Variants in P4HA2 observed in about 807,000 individuals in gnomAD.
The protein encoded by P4HA2 is prolyl 4-hydroxylase subunit alpha 2.
Under a neutral mutation model 76.9 loss-of-function variants are expected in P4HA2, and 46 were observed. The ratio of observed to expected loss-of-function variants is 0.60; its 90% CI spans 0.47 to 0.76. The LOEUF is 0.76. Ranked by LOEUF, P4HA2 falls within the 30% of genes least tolerant of loss-of-function variation. P4HA2 has a pLI of 0.00. For synonymous variants in P4HA2, 243 were observed against 254.0 expected (o/e 0.96, Z 0.41); for missense variants, 583 against 669.4 (o/e 0.87, Z 1.42).
At chr5:132,199,831 T>C (rs974223795) in intron 10 of P4HA2, 1 of 152,244 alleles carries the variant, frequency 6.6e-6, no homozygotes, top group Non-Finnish European at 1.5e-5. Flanking sequence ...TTGGTATTTT[T>C]TGTATATCCT....
At position 132,198,866 on chromosome 5, in the gene P4HA2, A is replaced by T. The variant is rs1374300831; in HGVS notation, c.1305+13T>A. 1 of 1,597,778 alleles carries T rather than the reference A, an allele frequency of 6.3e-7. No individual in the cohort carries two copies. The highest frequency in any genetic ancestry group is 8.6e-7 in the Non-Finnish European group (1 of 1,165,192). On this transcript the variant is annotated intron_variant, in intron 11 of 14. Coordinates refer to ENST00000360568, the MANE Select transcript of P4HA2 (RefSeq NM_001017974.2). ...GCAGGGCCCTTTGAAAGCACCTGTGATTTAGGCCTTACCCTAGAGAAGTCG... is the reference window on the plus strand; with the variant it reads ...GCAGGGCCCTTTGAAAGCACCTGTGTTTTAGGCCTTACCCTAGAGAAGTCG...
intron 4 of P4HA2, among the ~76,000 whole-genome samples, chr5:132,216,162 C>CAAAAAAAA (rs5871448): frequency 9.5e-5 from 6 of 63,138 alleles, no homozygotes; most frequent in Admixed American, 2.3e-4. Flanking sequence ...GACTCAGTCT[C>CAAAAAAAA]AAAAAAAAAA....
intron 10 of P4HA2, chr5:132,199,599 C>T (rs1751196546): frequency 6.6e-6 from 1 of 152,282 alleles, no homozygotes; most frequent in South Asian, 2.1e-4. Context: ...TTGTAAATGC[C>T]TTTGTGGACA....
At chr5:132,216,025 C>T (rs1197224909) in intron 4 of P4HA2, among the ~76,000 whole-genome samples, 1 of 147,564 alleles carries the variant, frequency 6.8e-6, no homozygotes, top group Non-Finnish European at 1.5e-5. Context: ...ATTAGCTGGG[C>T]ATGGTGGCAT....
In P4HA2 at chr5:132,194,941, C is replaced by T. The variant is rs1292102765; in HGVS notation, c.1516G>A (p.Val506Met). Residue 506 changes from valine (V) to methionine (M), a missense_variant, in exon 14 of 15, where the codon GTG becomes ATG. Coordinates refer to ENST00000360568, the MANE Select transcript of P4HA2 (RefSeq NM_001017974.2). ...AGACACTCACCCCACTTGCAGCCCA[C>T]AAGCACAGGGCAGGCAGCATGTCTT... ...RTRHAACPVL[V>M]GCKWVSNKWF... The T allele has an allele frequency of 6.2e-7, 1 of 1,612,348 alleles. No homozygotes were observed. Among genetic ancestry groups the T allele is most frequent in the Non-Finnish European group, 8.5e-7 (1 of 1,178,460 alleles).
At chr5:132,221,852 G>C (rs1478744927) in intron 1 of P4HA2, among the ~76,000 whole-genome samples, 1 of 152,176 alleles carries the variant, frequency 6.6e-6, no homozygotes, top group Non-Finnish European at 1.5e-5. Context: ...TGCAAAACCT[G>C]CCAACATCCC....
At chr5:132,198,693 T>C (rs1751047814) in intron 11 of P4HA2, among the ~76,000 whole-genome samples, 186 bp downstream of exon 11, 1 of 152,188 alleles carries the variant, frequency 6.6e-6, no homozygotes, top group Non-Finnish European at 1.5e-5. Flanking sequence ...CACTGCATTC[T>C]GCAGGACCCT....
chr5:132,224,197 T>C (rs1438191478), intron 1 of P4HA2, among the ~76,000 whole-genome samples: 1 of 152,238 alleles, frequency 6.6e-6, no homozygotes, highest in African/African-American at 2.4e-5. Context: ...TACAGTCAAA[T>C]GGACAGGCAC....
At chr5:132,203,457 C>G (rs1456978932) in intron 10 of P4HA2, 3 of 399,360 alleles carry the variant, frequency 7.5e-6, no homozygotes, top group Non-Finnish European at 9.3e-6. Context: ...AGGATTTGAG[C>G]TTCTGTTGTC....
chr5:132,211,930 C>G (rs1356020464), intron 5 of P4HA2, among the ~76,000 whole-genome samples: 2 of 152,164 alleles, frequency 1.3e-5, no homozygotes, highest in African/African-American at 4.8e-5. Flanking sequence ...ATGCTAATGA[C>G]CAGTAGCTAT....
chr5:132,196,860 C>CA (rs34410092), intron 12 of P4HA2, among the ~76,000 whole-genome samples: 54,094 of 99,726 alleles, frequency 0.54, 14,336 homozygotes, highest in Non-Finnish European at 0.64. Context: ...GAGTCTGTCT[C>CA]AAAAAAAAAA....
intron 1 of P4HA2, among the ~76,000 whole-genome samples, chr5:132,219,921 T>A (rs549658425): frequency 6.3e-4 from 96 of 152,232 alleles, no homozygotes; most frequent in African/African-American, 2.0e-3. Flanking sequence ...GGATCCTCTA[T>A]CAGAAGGAAA....
Position 132,195,598 on chromosome 5 carries a change from TG to T in P4HA2, c.1366-119del, listed in dbSNP as rs1750518757. 3 of 749,358 alleles carry T rather than the reference TG, an allele frequency of 4.0e-6. No individual in the cohort carries two copies. The East Asian group carries it at 7.9e-5, about 20-fold the overall frequency. The allele number at this position is 749,358 out of a possible 1,614,324, so 46.4% of individuals were successfully genotyped here. A position where few individuals can be genotyped will look rare whatever the true frequency, so the allele number is the denominator to read the frequency against. On this transcript the variant is annotated intron_variant, in intron 12 of 14. Transcript: ENST00000360568. ...TCCTCTCAGCATGAGTGACACTACT[TG>T]GTGTCTGCTCCATGGCCAGCCCTTT...
At chr5:132,207,944 T>G in intron 7 of P4HA2, 60 bp from the exon 8 acceptor site, 2 of 1,379,638 alleles carry the variant, frequency 1.4e-6, no homozygotes, top group Non-Finnish European at 2.0e-6. Flanking sequence ...GGTCCCAGTC[T>G]GGCTGTCTGC....
At chr5:132,212,407 G>T (rs886718523) in intron 5 of P4HA2, among the ~76,000 whole-genome samples, 3 of 152,148 alleles carry the variant, frequency 2.0e-5, no homozygotes, top group African/African-American at 4.8e-5. Context: ...GGAGTCAGGG[G>T]ATAAGCACGG....
chr5:132,217,517 T>C (rs1415272299), intron 3 of P4HA2, 169 bp from the exon 4 acceptor site: 2 of 664,332 alleles, frequency 3.0e-6, no homozygotes, highest in Non-Finnish European at 5.2e-6. Flanking sequence ...AGCCCCTTAA[T>C]CTAGATAACA....
chr5:132,218,058 C>G, intron 2 of P4HA2: 1 of 503,198 alleles, frequency 2.0e-6, no homozygotes, highest in South Asian at 2.9e-5. Context: ...GCAGAGGCAC[C>G]AAGGGGATGT....
intron 8 of P4HA2, among the ~76,000 whole-genome samples, 190 bp from the exon 9 acceptor site, chr5:132,204,342 C>A (rs2126564453): frequency 6.6e-6 from 1 of 152,312 alleles, no homozygotes; most frequent in African/African-American, 2.4e-5. Context: ...CCTCCACATT[C>A]CCAATCCGCA....
intron 2 of P4HA2, 39 bp downstream of exon 2, chr5:132,218,506 C>T: frequency 7.1e-7 from 1 of 1,403,178 alleles, no homozygotes; most frequent in Non-Finnish European, 1.0e-6. Context: ...GGCATGTGAG[C>T]CAAGGTGTCA....
Sources: gnomAD v4.1 joint callset for allele counts (sites outside exome capture counted in the v4.1 genomes callset) on GRCh38, gnomAD v4.1.1 for gene constraint, MANE v1.5 for transcripts, NCBI Gene and HGNC (gene_info 2026-07-23, HGNC 2026-07-21) for gene names.